NUTM2G: variants seen among roughly 807,000 people sequenced by gnomAD.
NUTM2G encodes the protein family with sequence similarity 22, member G.
In NUTM2G, 29 loss-of-function variants were observed where a neutral mutation model predicts 44.3. That is an observed-to-expected ratio of 0.66 (90% confidence interval 0.49 to 0.89). NUTM2G has a LOEUF of 0.89. NUTM2G is among the 40% of genes least tolerant of loss of function. NUTM2G has a pLI of 0.00. For synonymous variants in NUTM2G, 205 were observed against 395.9 expected (o/e 0.52, Z 5.72); for missense variants, 502 against 946.5 (o/e 0.53, Z 6.16).
chr9:96,940,655 T>C (rs1457076251), downstream of NUTM2G, among the ~76,000 whole-genome samples: 708 of 148,494 alleles, frequency 4.8e-3, 1 homozygote, highest in African/African-American at 0.017. Flanking sequence ...CAGCACTGCC[T>C]GCATGCAGAG....
Position 96,936,559 on chromosome 9 carries a change from A to G in NUTM2G, c.977A>G (p.Gln326Arg), listed in dbSNP as rs1324203431. The change falls in exon 4 of 7, where the codon CAG (glutamine) becomes CGG (arginine). Residue 326 changes from glutamine to arginine, a missense_variant. By Grantham distance (43) the Gln-to-Arg change is conservative (BLOSUM62 1). Coordinates refer to ENST00000372322, the MANE Select transcript of NUTM2G (RefSeq NM_001170741.3). ...CCCCCTGCCCCTGAGGTGGTCAAGC[A>G]GCCAGGTACAGCTTCCCACATTCCC... ...RGPPAPEVVK[Q>R]PVYLPSKDGP... The G allele has an allele frequency of 1.9e-6, 3 of 1,551,738 alleles. No individual in the cohort carries two copies. The highest frequency in any genetic ancestry group is 2.6e-6 in the Non-Finnish European group (3 of 1,156,196).
At chr9:96,933,195 C>T (rs187173888) in intron 2 of NUTM2G, among the ~76,000 whole-genome samples, 2 of 147,934 alleles carry the variant, frequency 1.4e-5, no homozygotes, top group African/African-American at 5.0e-5. Context: ...AGCCAGGATG[C>T]TCTCAATCTC....
chr9:96,929,981 A>C (rs1038357949), intron 1 of NUTM2G, among the ~76,000 whole-genome samples: 6 of 152,174 alleles, frequency 3.9e-5, no homozygotes. Flanking sequence ...TATTATTATT[A>C]TTATTCAAAC....
chr9:96,937,961 G>A lies in NUTM2G; in HGVS notation c.1400G>A (p.Ser467Asn). The A allele has an allele frequency of 1.2e-6, 2 of 1,612,066 alleles. No individual in the cohort carries two copies. The highest frequency in any genetic ancestry group is 3.3e-5 in the Admixed American group (2 of 60,004). The change falls in exon 6 of 7, where the codon AGC becomes AAC. Residue 467 changes from serine to asparagine, a missense_variant. Transcript: ENST00000372322. ...PDPQMDFLAL[S>N]QELEQEEGLT... ...CCACAGATGGATTTCTTGGCCCTAA[G>A]CCAGGAGCTGGAGCAGGAGGAAGGA...
chr9:96,934,656 T>C (rs894057302), intron 2 of NUTM2G, among the ~76,000 whole-genome samples: 11 of 151,402 alleles, frequency 7.3e-5, no homozygotes, highest in Admixed American at 2.0e-4. Flanking sequence ...AGGAAGCTGG[T>C]TAAATGCTCA....
Position 96,937,174 on chromosome 9 carries a change from A to G in NUTM2G, c.1093A>G (p.Arg365Gly). The G allele has an allele frequency of 6.2e-7, 1 of 1,612,602 alleles. No individual in the cohort carries two copies. Among genetic ancestry groups the G allele is most frequent in the Non-Finnish European group, 8.5e-7 (1 of 1,179,868 alleles). Reference protein sequence around the residue: ...KAHLPPPRPPRPAETKVPEEI... With the variant: ...KAHLPPPRPPGPAETKVPEEI... ...CCACCTGCCACCACCCAGGCCCCCG[A>G]GGCCAGCAGAGACCAAGGTCCCTGA... The change falls in exon 5 of 7, where the codon AGG becomes GGG. Residue 365 changes from arginine to glycine, a missense_variant. Coordinates refer to ENST00000372322, the MANE Select transcript of NUTM2G (RefSeq NM_001170741.3).
Position 96,937,892 on chromosome 9 carries a change from C to T in NUTM2G, c.1331C>T (p.Ala444Val), listed in dbSNP as rs371722833. ...TCTTCCTTCTGTTTCCAGGTGGAGG[C>T]CGTCATTCACCCCCGATTCCTGGAA... The part of the protein sequence containing the change: ...SQEDFVTKVE[A>V]VIHPRFLEEL... The change falls in exon 6 of 7, where the codon GCC becomes GTC. Residue 444 changes from alanine (A) to valine (V), a missense_variant. Coordinates refer to ENST00000372322, the MANE Select transcript of NUTM2G (RefSeq NM_001170741.3). The T allele has an allele frequency of 8.7e-6, 14 of 1,611,016 alleles. No individual in the cohort carries two copies. The highest frequency in any genetic ancestry group is 1.2e-5 in the Non-Finnish European group (14 of 1,179,184).
chr9:96,930,112 T>A (rs1395206327), intron 1 of NUTM2G, among the ~76,000 whole-genome samples: 2 of 152,144 alleles, frequency 1.3e-5, no homozygotes, highest in Non-Finnish European at 2.9e-5. Context: ...TCACCTGGCC[T>A]GTGGCCCAAG....
chr9:96,934,485 A>G (rs1304890875), intron 2 of NUTM2G, among the ~76,000 whole-genome samples: 2 of 151,900 alleles, frequency 1.3e-5, no homozygotes, highest in African/African-American at 4.8e-5. Flanking sequence ...CCGGGCTCAC[A>G]GGCCTTTGCC....
chr9:96,936,750 G>A (rs1490937884), intron 4 of NUTM2G, among the ~76,000 whole-genome samples, 186 bp downstream of exon 4: 4 of 152,186 alleles, frequency 2.6e-5, no homozygotes, highest in African/African-American at 4.8e-5. Context: ...CCGTGATCAC[G>A]AAGCAGGGTA....
intron 2 of NUTM2G, among the ~76,000 whole-genome samples, chr9:96,934,642 C>A (rs1314605164): frequency 6.6e-6 from 1 of 151,816 alleles, no homozygotes; most frequent in East Asian, 1.9e-4. Context: ...GCTCCAGAGT[C>A]CCCAGGAAGC....
intron 3 of NUTM2G, among the ~76,000 whole-genome samples, chr9:96,936,136 G>T (rs563474531): frequency 6.7e-6 from 1 of 149,360 alleles, no homozygotes; most frequent in East Asian, 2.0e-4. Flanking sequence ...CCCACCCCCG[G>T]CCAGCTGATA....
intron 3 of NUTM2G, 67 bp downstream of exon 3, chr9:96,935,523 G>A (rs1169375525): frequency 3.1e-6 from 5 of 1,611,054 alleles, no homozygotes; most frequent in Non-Finnish European, 3.4e-6. Flanking sequence ...AGGCCCGGTG[G>A]CCGTGGTGGC....
chr9:96,928,982 C>T lies in NUTM2G; in HGVS notation c.-43C>T, dbSNP rs761157246. ...GTCCTGCCCTTGACTTTTTTCATTG[C>T]GGAAGCTGCCAGACAGTGGTGGTCA... On this transcript the variant is annotated 5_prime_UTR_variant, in exon 1 of 7. Coordinates refer to ENST00000372322, the MANE Select transcript of NUTM2G (RefSeq NM_001170741.3). The T allele has an allele frequency of 1.9e-5, 31 of 1,603,806 alleles. No individual in the cohort carries two copies. Among genetic ancestry groups the T allele is most frequent in the South Asian group, 1.2e-4 (11 of 90,266 alleles).
Position 96,938,593 on chromosome 9 carries a change from C to G in NUTM2G, c.1670C>G (p.Ser557Cys), listed in dbSNP as rs1224698822. The G allele has an allele frequency of 4.3e-6, 7 of 1,612,086 alleles. No homozygotes were observed. Among genetic ancestry groups the G allele is most frequent in the Non-Finnish European group, 5.9e-6 (7 of 1,179,718 alleles). Residue 557 changes from serine to cysteine, a missense_variant, in exon 7 of 7, where the codon TCC becomes TGC. Ser to Cys is a moderately radical substitution (Grantham distance 112). Transcript: ENST00000372322. ...AGAGTGCGCACTGGCATGGCCAGGT[C>G]CGAAGACCCTGCTGTGCTTTTGGGA... ...QGRVRTGMAR[S>C]EDPAVLLGCQ...
intron 5 of NUTM2G, 118 bp downstream of exon 5, chr9:96,937,522 G>C: frequency 1.1e-6 from 1 of 915,774 alleles, no homozygotes; most frequent in Non-Finnish European, 1.7e-6. Flanking sequence ...ATGGATTTGA[G>C]TGTCTGTGTA....
chr9:96,936,892 G>A (rs1023339999), intron 4 of NUTM2G, among the ~76,000 whole-genome samples, 172 bp from the exon 5 acceptor site: 6 of 152,214 alleles, frequency 3.9e-5, no homozygotes, highest in African/African-American at 1.4e-4. Context: ...CCTCCCAAGC[G>A]ATGCTGTCTC....
At chr9:96,940,882 C>T (rs1323789521), downstream of NUTM2G, among the ~76,000 whole-genome samples, 1 of 152,268 alleles carries the variant, frequency 6.6e-6, no homozygotes, top group Non-Finnish European at 1.5e-5. Context: ...GGCCTGCCAC[C>T]CGCTTTCGCC....
intron 1 of NUTM2G, 140 bp downstream of exon 1, chr9:96,929,180 G>C: frequency 7.2e-7 from 1 of 1,387,122 alleles, no homozygotes; most frequent in African/African-American, 1.4e-5. Flanking sequence ...ATCACACCTG[G>C]GGATGGCCAT....
Sources: gnomAD v4.1 joint callset for allele counts (sites outside exome capture counted in the v4.1 genomes callset) on GRCh38, gnomAD v4.1.1 for gene constraint, MANE v1.5 for transcripts, NCBI Gene and HGNC (gene_info 2026-07-23, HGNC 2026-07-21) for gene names.